The following ZNF716 variants were observed in gnomAD, a reference collection of about 807,000 sequenced individuals.
The protein encoded by ZNF716 is zinc finger protein 716.
ZNF716 carries 9 observed loss-of-function variants against 13.4 expected under a neutral mutation model. That is an observed-to-expected ratio of 0.67 (90% confidence interval 0.41 to 1.18). The LOEUF is 1.18. Ranked by LOEUF, ZNF716 falls within the 50% of genes most tolerant of loss-of-function variation. The pLI is 0.01. For synonymous variants in ZNF716, 186 were observed against 195.2 expected (o/e 0.95, Z 0.39); for missense variants, 581 against 576.6 (o/e 1.01, Z -0.08).
In ZNF716 at chr7:57,450,197, A is replaced by G. The variant is rs1222304749; in HGVS notation, c.-92A>G. 2.5e-6 allele frequency: 4 copies of G among 1,587,326 alleles called. No homozygotes were observed. The highest frequency in any genetic ancestry group is 2.7e-5 in the African/African-American group (2 of 74,062). On this transcript the variant is annotated 5_prime_UTR_variant, in exon 1 of 4. Transcript: ENST00000420713. ...GGGTTCTTTTTGCTTCTCTGCGCCCAGAGCTCCAGTCCTTCTCTTCACTGC... is the reference window on the plus strand; with the variant it reads ...GGGTTCTTTTTGCTTCTCTGCGCCCGGAGCTCCAGTCCTTCTCTTCACTGC...
In ZNF716 at chr7:57,473,033, T is replaced by C. The variant is rs1171181222; in HGVS notation, c.*3084T>C. 1 of 152,274 alleles carries C rather than the reference T, an allele frequency of 6.6e-6. No homozygotes were observed. The highest frequency in any genetic ancestry group is 2.1e-4 in the South Asian group (1 of 4,820). The allele number at this position is 152,274 out of a possible 1,614,324, so 9.4% of individuals were successfully genotyped here. A position where few individuals can be genotyped will look rare whatever the true frequency, so the allele number is the denominator to read the frequency against. ...GTTTTAGTTATTTCAATATGTGCAATTGAATTACTATTAACCACAGGGTCA... is the reference window on the plus strand; with the variant it reads ...GTTTTAGTTATTTCAATATGTGCAACTGAATTACTATTAACCACAGGGTCA... On this transcript the variant is annotated 3_prime_UTR_variant, in exon 4 of 4. Transcript: ENST00000420713.
intron 2 of ZNF716, 108 bp from the exon 3 acceptor site, chr7:57,462,965 T>A (rs1239737526): frequency 7.0e-7 from 1 of 1,432,472 alleles, no homozygotes; most frequent in African/African-American, 1.4e-5. Context: ...GAATCAATCT[T>A]AATTTTCTAG....
intron 1 of ZNF716, among the ~76,000 whole-genome samples, chr7:57,451,274 G>A (rs1789487838): frequency 6.6e-6 from 1 of 151,500 alleles, no homozygotes; most frequent in African/African-American, 2.4e-5. Context: ...CTTGGCCTCC[G>A]AAAGTGCTGG....
chr7:57,458,057 T>C (rs1347770735), intron 1 of ZNF716, among the ~76,000 whole-genome samples: 4 of 152,250 alleles, frequency 2.6e-5, no homozygotes, highest in Non-Finnish European at 5.9e-5. Context: ...CAGTCTACCA[T>C]TGAAGACATA....
At chr7:57,456,770 C>T (rs1554322211) in intron 1 of ZNF716, among the ~76,000 whole-genome samples, 1 of 151,726 alleles carries the variant, frequency 6.6e-6, no homozygotes, top group Non-Finnish European at 1.5e-5. Flanking sequence ...ATTTAGCAAA[C>T]TCCACAGATT....
At chr7:57,451,132 G>T (rs982425085) in intron 1 of ZNF716, among the ~76,000 whole-genome samples, 4 of 151,552 alleles carry the variant, frequency 2.6e-5, no homozygotes, top group African/African-American at 7.3e-5. Context: ...CGATTCTCCC[G>T]CCTCAGGCTG....
rs1258957874 is a variant in ZNF716 at position 57,469,569 on chromosome 7, C to CTTA, written c.1108_1109insTTA (p.His370delinsLeuAsn). The CTTA allele has an allele frequency of 6.2e-7, 1 of 1,611,498 alleles. No homozygotes were observed. Among genetic ancestry groups the CTTA allele is most frequent in the Non-Finnish European group, 8.5e-7 (1 of 1,179,076 alleles). Reference sequence around the variant, plus strand: ...TACCTTCTCCTCAACTCTAAATACTCATAAGAGGATTCATACTGGAGAGAA... The same window carrying CTTA: ...TACCTTCTCCTCAACTCTAAATACTCTTAATAAGAGGATTCATACTGGAGAGAA... On this transcript the variant is annotated protein_altering_variant, in exon 4 of 4. Coordinates refer to ENST00000420713, the MANE Select transcript of ZNF716 (RefSeq NM_001159279.1).
intron 1 of ZNF716, among the ~76,000 whole-genome samples, chr7:57,453,448 A>G (rs1216872840): frequency 6.6e-6 from 1 of 152,214 alleles, no homozygotes; most frequent in Non-Finnish European, 1.5e-5. Context: ...TTAACTGTAA[A>G]TTGCATTTTA....
At chr7:57,453,419 T>A in intron 1 of ZNF716, among the ~76,000 whole-genome samples, 1 of 152,222 alleles carries the variant, frequency 6.6e-6, no homozygotes, top group Non-Finnish European at 1.5e-5. Context: ...ATAGTTTCAC[T>A]TCTTTCGACT....
chr7:57,471,214 A>G lies in ZNF716; in HGVS notation c.*1265A>G, dbSNP rs558035901. Reference sequence around the variant, plus strand: ...GGTGGATCATGAGGTCAGGAGTTCAAGACCAGCCTGGCTAACATGGTGAAT... The same window carrying G: ...GGTGGATCATGAGGTCAGGAGTTCAGGACCAGCCTGGCTAACATGGTGAAT... On this transcript the variant is annotated 3_prime_UTR_variant, in exon 4 of 4. Transcript: ENST00000420713. The G allele has an allele frequency of 6.6e-6, 1 of 152,294 alleles. No individual in the cohort carries two copies. The highest frequency in any genetic ancestry group is 1.5e-5 in the Non-Finnish European group (1 of 68,048). The allele number at this position is 152,294 out of a possible 1,614,324, so 9.4% of individuals were successfully genotyped here.
Position 57,469,651 on chromosome 7 carries a change from ACCAC to A in ZNF716, c.1191_1194del (p.Tyr397Ter), listed in dbSNP as rs782635540. On this transcript the variant is annotated frameshift_variant, in exon 4 of 4. Coordinates refer to ENST00000420713, the MANE Select transcript of ZNF716 (RefSeq NM_001159279.1). LOFTEE classifies it low-confidence loss of function (END_TRUNC). ...TTTAGCTTACCCTCAACCTTCACTT[ACCAC>A]AAGAGAACTCATACTGGAGAGAAAC... 2 of 1,587,984 alleles carry A rather than the reference ACCAC, an allele frequency of 1.3e-6. No homozygotes were observed. Among genetic ancestry groups the A allele is most frequent in the Non-Finnish European group, 1.7e-6 (2 of 1,163,916 alleles).
Position 57,469,548 on chromosome 7 carries a change from T to G in ZNF716, c.1087T>G (p.Phe363Val). 1 of 1,609,376 alleles carries G rather than the reference T, an allele frequency of 6.2e-7. No homozygotes were observed. The change falls in exon 4 of 4, where the codon TTC becomes GTC. Residue 363 changes from phenylalanine to valine, a missense_variant. Transcript: ENST00000420713. The stretch of plus-strand genomic sequence containing the variant: ...TGAAGAATGTGGGAAAGCCTTTACC[T>G]TCTCCTCAACTCTAAATACTCATAA... ...TCEECGKAFT[F>V]SSTLNTHKRI...
chr7:57,468,319 C>T (rs1206278117), intron 3 of ZNF716, among the ~76,000 whole-genome samples: 4 of 152,098 alleles, frequency 2.6e-5, no homozygotes. Flanking sequence ...CACTTTCTGT[C>T]ATGGAAGAGA....
In ZNF716 at chr7:57,469,354, G is replaced by A. The variant is rs1554324745; in HGVS notation, c.893G>A (p.Cys298Tyr). 3 of 1,613,578 alleles carry A rather than the reference G, an allele frequency of 1.9e-6. No individual in the cohort carries two copies. The highest frequency in any genetic ancestry group is 1.1e-5 in the South Asian group (1 of 91,064). ...CATACTGGAGAGAAACCCTACACAT[G>A]TGAAGAATGTGGCAAAGCCTTTAGC... ...RIHTGEKPYT[C>Y]EECGKAFSRS... Residue 298 changes from cysteine (C) to tyrosine (Y), a missense_variant, in exon 4 of 4, where the codon TGT (cysteine) becomes TAT (tyrosine). Coordinates refer to ENST00000420713, the MANE Select transcript of ZNF716 (RefSeq NM_001159279.1).
chr7:57,472,301 A>C lies in ZNF716; in HGVS notation c.*2352A>C, dbSNP rs1475174819. On this transcript the variant is annotated 3_prime_UTR_variant, in exon 4 of 4. Coordinates refer to ENST00000420713, the MANE Select transcript of ZNF716 (RefSeq NM_001159279.1). ...TTTTATCAATTGTACCTTTATGTAA[A>C]CAAAGTTGTTTTTAATGAGCTAAAA... 2 of 152,208 alleles carry C rather than the reference A, an allele frequency of 1.3e-5. No homozygotes were observed. The highest frequency in any genetic ancestry group is 2.4e-5 in the African/African-American group (1 of 41,462). 9.4% of individuals were successfully genotyped at this position (152,208 alleles called of 1,614,324 possible). A position where few individuals can be genotyped will look rare whatever the true frequency, so the allele number is the denominator to read the frequency against.
At chr7:57,455,131 T>C (rs1442529170) in intron 1 of ZNF716, among the ~76,000 whole-genome samples, 10 of 152,062 alleles carry the variant, frequency 6.6e-5, no homozygotes, top group Admixed American at 6.6e-4. Flanking sequence ...TTATAGAGAA[T>C]AGCAAACAAG....
At position 57,468,986 on chromosome 7, in the gene ZNF716, C is replaced by T; in HGVS notation, c.525C>T (p.His175=). 3 of 1,607,604 alleles carry T rather than the reference C, an allele frequency of 1.9e-6. No individual in the cohort carries two copies. The highest frequency in any genetic ancestry group is 1.3e-5 in the African/African-American group (1 of 74,894). Residue 175 remains histidine, a synonymous_variant, in exon 4 of 4, where the codon CAC becomes CAT. Transcript: ENST00000420713. The stretch of plus-strand genomic sequence containing the variant: ...GTAAATTTTCAAATTCCAATAGACA[C>T]AAGACAAGACATACTGGAAAGAAAC... ...VFGKFSNSNR[H]KTRHTGKKHF... is the part of the protein sequence containing the mutation.
rs1789971023 is a variant in ZNF716, at chr7:57,472,881, A to G, written c.*2932A>G. 1 of 152,144 alleles carries G rather than the reference A, an allele frequency of 6.6e-6. No individual in the cohort carries two copies. The highest frequency in any genetic ancestry group is 1.5e-5 in the Non-Finnish European group (1 of 68,038). The allele number at this position is 152,144 out of a possible 1,614,324, so 9.4% of individuals were successfully genotyped here. ...ATTTTTGTGGGTAGTGTGCATACAC[A>G]CTTATGGCATATATGAGATATGTTA... On this transcript the variant is annotated 3_prime_UTR_variant, in exon 4 of 4. Coordinates refer to ENST00000420713, the MANE Select transcript of ZNF716 (RefSeq NM_001159279.1).
intron 1 of ZNF716, among the ~76,000 whole-genome samples, chr7:57,450,729 A>G (rs1554321415): frequency 6.6e-6 from 1 of 152,128 alleles, no homozygotes; most frequent in African/African-American, 2.4e-5. Context: ...TTAGAGATGT[A>G]TGGGGAGTCG....
Sources: allele counts gnomAD v4.1 joint callset (sites outside exome capture counted in the v4.1 genomes callset), GRCh38; gene constraint gnomAD v4.1.1; transcripts MANE v1.5; gene names NCBI Gene and HGNC (gene_info 2026-07-23, HGNC 2026-07-21).